ZNF469: variants seen among roughly 807,000 people sequenced by gnomAD.
ZNF469 encodes the protein zinc finger protein 469.
In ZNF469, 1 loss-of-function variant was observed where a neutral mutation model predicts 1.0. That is an observed-to-expected ratio of 1.00 (90% CI 0.35 to 4.73). The LOEUF is 4.73. Among genes scored for constraint, ZNF469 ranks in the 30% most tolerant of loss-of-function variants. The probability of loss-of-function intolerance (pLI) is 0.16; values close to 1 mark genes in which losing one functional copy is unlikely to be tolerated. For missense variants in ZNF469, 6,100 were observed against 5,356.3 expected (o/e 1.14, Z -4.33); for synonymous variants, 2,703 against 2,363.4 (o/e 1.14, Z -4.17).
chr16:88,179,349 C>G, the ZNF469 span, among the ~76,000 whole-genome samples: 1 of 152,176 alleles, frequency 6.6e-6, no homozygotes, highest in African/African-American at 2.4e-5. Flanking sequence ...AGCGTGGCCC[C>G]TCCCTCCCTT....
the ZNF469 span, among the ~76,000 whole-genome samples, chr16:88,342,058 A>T: frequency 6.6e-6 from 1 of 151,920 alleles, no homozygotes; most frequent in Non-Finnish European, 1.5e-5. Flanking sequence ...GGCAAGCAGC[A>T]ACATGTGCAG....
rs1906429461 is a variant in ZNF469 at position 88,434,523 on chromosome 16, G to A, written c.7053G>A (p.Glu2351=). 4 of 1,550,288 alleles carry A rather than the reference G, an allele frequency of 2.6e-6. No homozygotes were observed. Among genetic ancestry groups the A allele is most frequent in the Non-Finnish European group, 3.5e-6 (4 of 1,146,960 alleles). The stretch of plus-strand genomic sequence containing the variant: ...AGGCTGTCACAGCTGTGCCCACTGA[G>A]CCTCCCACGCTACAGGGTGCAGGGC... ...EGQAVTAVPT[E]PPTLQGAGPD... The change falls in exon 3 of 3, where the codon GAG becomes GAA. Residue 2351 remains glutamate, a synonymous_variant. Coordinates refer to ENST00000565624, the MANE Select transcript of ZNF469 (RefSeq NM_001367624.2).
Position 88,436,160 on chromosome 16 carries a change from A to T in ZNF469, c.8690A>T (p.Glu2897Val). ...LPLPTQPSFE[E>V]GGDPTLGPAR... ...CTGCCAACCCAGCCCAGCTTTGAGG[A>T]GGGCGGTGACCCCACGCTGGGCCCA... The change falls in exon 3 of 3, where the codon GAG becomes GTG. Residue 2897 changes from glutamate to valine, a missense_variant. Physicochemically the swap from Glu to Val is moderately radical, Grantham distance 121 (BLOSUM62 -2). Transcript: ENST00000565624. 6.5e-7 allele frequency: 1 copy of T among 1,547,830 alleles called. No individual in the cohort carries two copies. The highest frequency in any genetic ancestry group is 8.7e-7 in the Non-Finnish European group (1 of 1,146,938).
the ZNF469 span, among the ~76,000 whole-genome samples, chr16:88,225,896 G>A: frequency 6.6e-6 from 1 of 152,310 alleles, no homozygotes; most frequent in Admixed American, 6.5e-5. Context: ...CAGCATGTAT[G>A]TACTAAGACA....
At chr16:88,175,459 A>G in the ZNF469 span, among the ~76,000 whole-genome samples, 1 of 152,372 alleles carries the variant, frequency 6.6e-6, no homozygotes, top group South Asian at 2.1e-4. Context: ...ATACCACTAA[A>G]TTTAAGAAGA....
At chr16:88,407,313 T>C (rs1368271671) in intron 1 of ZNF469, among the ~76,000 whole-genome samples, 2 of 152,208 alleles carry the variant, frequency 1.3e-5, no homozygotes, top group Non-Finnish European at 2.9e-5. Flanking sequence ...TGCGTGCAGC[T>C]CTGAGCTGGG....
chr16:88,436,602 G>T lies in ZNF469; in HGVS notation c.9132G>T (p.Thr3044=). 1 of 1,550,290 alleles carries T rather than the reference G, an allele frequency of 6.5e-7. No individual in the cohort carries two copies. Among genetic ancestry groups the T allele is most frequent in the South Asian group, 1.2e-5 (1 of 84,066 alleles). The change falls in exon 3 of 3, where the codon ACG becomes ACT. Residue 3044 remains threonine, a synonymous_variant. Coordinates refer to ENST00000565624, the MANE Select transcript of ZNF469 (RefSeq NM_001367624.2). The part of the protein sequence containing the change: ...GNTHLLPLRA[T]DFEVLSTKFE... The stretch of plus-strand genomic sequence containing the variant: ...CCCACCTGCTGCCGCTCCGTGCCAC[G>T]GACTTTGAGGTGCTCAGCACCAAGT...
chr16:88,201,926 T>G, the ZNF469 span, among the ~76,000 whole-genome samples: 1 of 152,178 alleles, frequency 6.6e-6, no homozygotes, highest in Non-Finnish European at 1.5e-5. This position sits in a 1 kb window ranked among gnomAD's most constrained non-coding sequence, Gnocchi z 5.0. Flanking sequence ...TGTCTCTTGA[T>G]GGCCTGGGGC....
At chr16:88,233,556 A>G in the ZNF469 span, among the ~76,000 whole-genome samples, 2 of 152,252 alleles carry the variant, frequency 1.3e-5, no homozygotes, top group Non-Finnish European at 2.9e-5. Context: ...GAAGGCGCCC[A>G]AATGTATAGC....
the ZNF469 span, among the ~76,000 whole-genome samples, chr16:88,365,867 C>T: frequency 1.6e-4 from 25 of 152,184 alleles, no homozygotes; most frequent in Non-Finnish European, 2.9e-4. Flanking sequence ...GCTGAGACTG[C>T]CAAACCCTTC....
Position 88,428,114 on chromosome 16 carries a change from G to T in ZNF469, c.644G>T (p.Gly215Val). Residue 215 changes from glycine to valine, a missense_variant, in exon 3 of 3, where the codon GGC becomes GTC. Gly to Val is a moderately radical substitution (Grantham distance 109). Coordinates refer to ENST00000565624, the MANE Select transcript of ZNF469 (RefSeq NM_001367624.2). Reference protein sequence around the residue: ...PPAPGPPQSRGTSPLQPGSYP... With the variant: ...PPAPGPPQSRVTSPLQPGSYP... The stretch of plus-strand genomic sequence containing the variant: ...GCCCCGGGGCCCCCCCAGAGCAGGG[G>T]CACCAGCCCCCTCCAGCCCGGTTCC... The T allele has an allele frequency of 6.5e-7, 1 of 1,549,804 alleles. No homozygotes were observed. The highest frequency in any genetic ancestry group is 1.7e-4 in the Middle Eastern group (1 of 5,988).
At chr16:88,183,506 G>C in the ZNF469 span, among the ~76,000 whole-genome samples, 2 of 152,324 alleles carry the variant, frequency 1.3e-5, no homozygotes, top group South Asian at 2.1e-4. Flanking sequence ...AGCCTGCTGC[G>C]AAGTGAAGGA....
chr16:88,262,487 T>C, the ZNF469 span, among the ~76,000 whole-genome samples: 1 of 152,130 alleles, frequency 6.6e-6, no homozygotes, highest in Non-Finnish European at 1.5e-5. This position sits in a 1 kb window ranked among gnomAD's most constrained non-coding sequence, Gnocchi z 4.3. Flanking sequence ...TGGCTGCAAA[T>C]TTCCTCCACG....
chr16:88,161,088 G>C, the ZNF469 span, among the ~76,000 whole-genome samples: 9 of 151,998 alleles, frequency 5.9e-5, no homozygotes, highest in Admixed American at 5.9e-4. Flanking sequence ...TTGAACCCAG[G>C]GGGCAGAGCT....
At chr16:88,317,860 C>T in the ZNF469 span, among the ~76,000 whole-genome samples, 6,203 of 152,276 alleles carry the variant, frequency 0.041, 249 homozygotes, top group East Asian at 0.15. Context: ...CTCTCTGCGC[C>T]GCTGAACCGG....
the ZNF469 span, among the ~76,000 whole-genome samples, chr16:88,353,179 G>A: frequency 1.3e-5 from 2 of 152,162 alleles, no homozygotes; most frequent in East Asian, 1.9e-4. Flanking sequence ...GCACCTCCGA[G>A]GCCGTAAGTC....
rs755495104 is a variant in ZNF469, at chr16:88,437,830, C to G, written c.10360C>G (p.Arg3454Gly). 6.5e-7 allele frequency: 1 copy of G among 1,541,296 alleles called. No individual in the cohort carries two copies. Among genetic ancestry groups the G allele is most frequent in the South Asian group, 1.2e-5 (1 of 83,728 alleles). ...GRQPFAFRGV[R>G]RPGAPGQKAR... Reference sequence around the variant, plus strand: ...GCAGCCCTTCGCGTTCCGCGGCGTGCGGAGGCCGGGAGCGCCGGGACAGAA... The same window carrying G: ...GCAGCCCTTCGCGTTCCGCGGCGTGGGGAGGCCGGGAGCGCCGGGACAGAA... Residue 3454 changes from arginine (R) to glycine (G), a missense_variant, in exon 3 of 3, where the codon CGG (arginine) becomes GGG (glycine). Coordinates refer to ENST00000565624, the MANE Select transcript of ZNF469 (RefSeq NM_001367624.2).
In ZNF469 at chr16:88,429,594, G is replaced by C; in HGVS notation, c.2124G>C (p.Ala708=). ...GRGGLQGFPR[A]PPPYPTHHFS... Reference sequence around the variant, plus strand: ...GAGGGCTGCAGGGCTTCCCCCGTGCGCCGCCTCCGTACCCCACACACCACT... The same window carrying C: ...GAGGGCTGCAGGGCTTCCCCCGTGCCCCGCCTCCGTACCCCACACACCACT... Residue 708 remains alanine, a synonymous_variant, in exon 3 of 3, where the codon GCG becomes GCC. Transcript: ENST00000565624. 1 of 1,549,458 alleles carries C rather than the reference G, an allele frequency of 6.5e-7. No homozygotes were observed. The highest frequency in any genetic ancestry group is 1.2e-5 in the South Asian group (1 of 83,986).
At chr16:88,132,136 A>G in the ZNF469 span, among the ~76,000 whole-genome samples, 5,030 of 151,908 alleles carry the variant, frequency 0.033, no homozygotes, top group African/African-American at 0.11. Context: ...GGCCCCGGCC[A>G]TACCGATGGC....
Sources: gnomAD v4.1 joint callset for allele counts (sites outside exome capture counted in the v4.1 genomes callset) on GRCh38, gnomAD v4.1.1 for gene constraint, Gnocchi (gnomAD v3.1) non-coding constraint, MANE v1.5 for transcripts, NCBI Gene and HGNC (gene_info 2026-07-23, HGNC 2026-07-21) for gene names.